ATRN: variants seen among roughly 807,000 people sequenced by gnomAD.
ATRN encodes the protein attractin-2.
In ATRN, 54 loss-of-function variants were observed where a neutral mutation model predicts 178.7. That is an observed-to-expected ratio of 0.30 (90% CI 0.24 to 0.38). ATRN has a LOEUF of 0.38. ATRN is among the 10% of genes least tolerant of loss of function. The probability of loss-of-function intolerance (pLI) is 1.00; values close to 1 mark genes in which losing one functional copy is unlikely to be tolerated. For synonymous variants in ATRN, 636 were observed against 663.0 expected (o/e 0.96, Z 0.63); for missense variants, 1,443 against 1,815.1 (o/e 0.79, Z 3.73).
intron 1 of ATRN, among the ~76,000 whole-genome samples, chr20:3,485,128 A>G (rs912051099): frequency 1.3e-5 from 2 of 151,960 alleles, no homozygotes; most frequent in Non-Finnish European, 2.9e-5. Context: ...CCTCACCATC[A>G]TGGTGATGGC....
Position 3,533,512 on chromosome 20 carries a change from AC to A in ATRN, c.411-1734del, listed in dbSNP as rs1015773925. 6.6e-5 allele frequency among the ~76,000 whole-genome samples: 10 copies of A among 151,888 alleles called. No homozygotes were observed. In the East Asian group the frequency reaches 7.7e-4, roughly 12 times the overall value. ...GACTTAACAGAGGGAGAGAGGGTGT[AC>A]CCCCCCGTTTTCTTTTCCTCCTTCC... On this transcript the variant is annotated intron_variant, in intron 1 of 28. Transcript: ENST00000262919.
chr20:3,546,290 T>C (rs1401829693), intron 4 of ATRN, among the ~76,000 whole-genome samples: 1 of 152,224 alleles, frequency 6.6e-6, no homozygotes, highest in Non-Finnish European at 1.5e-5. Flanking sequence ...TTAAAGTACC[T>C]TGATAGTCCA....
intron 2 of ATRN, among the ~76,000 whole-genome samples, chr20:3,537,186 A>C (rs541242546): frequency 1.3e-4 from 20 of 152,334 alleles, no homozygotes; most frequent in African/African-American, 4.6e-4. Context: ...GCAGTTAACA[A>C]ATTTTCCAAA....
chr20:3,578,525 C>T, intron 14 of ATRN, 57 bp from the exon 15 acceptor site: 1 of 1,450,142 alleles, frequency 6.9e-7, no homozygotes, highest in Non-Finnish European at 9.4e-7. Flanking sequence ...ACTCATAATA[C>T]AGTAGTTTTG....
intron 24 of ATRN, among the ~76,000 whole-genome samples, chr20:3,610,203 A>G (rs1270445740): frequency 2.6e-5 from 4 of 152,236 alleles, no homozygotes; most frequent in Non-Finnish European, 5.9e-5. Flanking sequence ...TGAAATTTAT[A>G]TGAAAGGGCA....
At chr20:3,569,573 A>C (rs562387731) in intron 11 of ATRN, among the ~76,000 whole-genome samples, 1 of 152,340 alleles carries the variant, frequency 6.6e-6, no homozygotes, top group South Asian at 2.1e-4. Flanking sequence ...CTGTACACTT[A>C]GGCTACACTA....
chr20:3,535,204 T>G, intron 1 of ATRN, 49 bp from the exon 2 acceptor site: 2 of 771,214 alleles, frequency 2.6e-6, no homozygotes, highest in Non-Finnish European at 1.8e-6. Flanking sequence ...TAAAAATATA[T>G]GAAATTAATA....
chr20:3,529,541 T>C (rs1288085155), intron 1 of ATRN, among the ~76,000 whole-genome samples: 1 of 152,182 alleles, frequency 6.6e-6, no homozygotes, highest in Non-Finnish European at 1.5e-5. Flanking sequence ...GTTATGTTGA[T>C]AAAAAGAAGC....
chr20:3,621,769 G>A (rs767686419), intron 24 of ATRN, among the ~76,000 whole-genome samples: 1 of 151,990 alleles, frequency 6.6e-6, no homozygotes, highest in African/African-American at 2.4e-5. Context: ...AAACCAAAAA[G>A]TATGGGAAAA....
chr20:3,644,055 C>A, intron 27 of ATRN, 99 bp from the exon 28 acceptor site: 1 of 880,846 alleles, frequency 1.1e-6, no homozygotes, highest in Non-Finnish European at 1.8e-6. Flanking sequence ...TTTTATATAC[C>A]TGAAATTGAT....
intron 1 of ATRN, among the ~76,000 whole-genome samples, chr20:3,484,098 A>C (rs1467626503): frequency 6.6e-6 from 1 of 152,038 alleles, no homozygotes; most frequent in African/African-American, 2.4e-5. Flanking sequence ...AAAATTTAAA[A>C]ATTTGCAGGG....
chr20:3,549,602 T>C (rs1451604106), intron 6 of ATRN, among the ~76,000 whole-genome samples: 1 of 152,230 alleles, frequency 6.6e-6, no homozygotes, highest in Non-Finnish European at 1.5e-5. Flanking sequence ...TGTAGTAAGT[T>C]CTATATAAGT....
At position 3,491,149 on chromosome 20, in the gene ATRN, G is replaced by GA. The variant is rs1022364402; in HGVS notation, c.410+19639dup. ...TCTGCAGATTATTAGCTCTCTGGGG[G>GA]AAAAAAATCAAAAAAAACCCTTCTT... On this transcript the variant is annotated intron_variant, in intron 1 of 28. Transcript: ENST00000262919. 1.6e-5 allele frequency: 8 copies of GA among 514,674 alleles called. 1 individual carries two copies. The South Asian group carries it at 1.6e-4, about 10-fold the overall frequency. The allele number at this position is 514,674 out of a possible 1,614,324, so 31.9% of individuals were successfully genotyped here. A position where few individuals can be genotyped will look rare whatever the true frequency, so the allele number is the denominator to read the frequency against.
At chr20:3,619,116 G>A (rs376124985) in intron 24 of ATRN, among the ~76,000 whole-genome samples, 110 of 152,322 alleles carry the variant, frequency 7.2e-4, no homozygotes, top group African/African-American at 2.5e-3. Context: ...CATACCTTGC[G>A]TTTTCTCGGA....
At position 3,489,293 on chromosome 20, in the gene ATRN, A is replaced by AT. The variant is rs201569326; in HGVS notation, c.410+17785dup. On this transcript the variant is annotated intron_variant, in intron 1 of 28. Transcript: ENST00000262919. Reference sequence around the variant, plus strand: ...ATACTTTTGTAAATTGTATCTTTAAATTTTTTTTTGAACAAGGTCTGGTTT... The same window carrying AT: ...ATACTTTTGTAAATTGTATCTTTAAATTTTTTTTTTGAACAAGGTCTGGTTT... Among the ~76,000 whole-genome samples, 278 of 151,794 alleles carry AT rather than the reference A, an allele frequency of 1.8e-3. 3 individuals are homozygous for AT. Among genetic ancestry groups the AT allele is most frequent in the Non-Finnish European group, 2.7e-4 (18 of 67,908 alleles).
At chr20:3,504,588 G>A (rs1223685118) in intron 1 of ATRN, among the ~76,000 whole-genome samples, 1 of 150,660 alleles carries the variant, frequency 6.6e-6, no homozygotes, top group Non-Finnish European at 1.5e-5. Context: ...GGGAGACTGC[G>A]GCAGGAGAAT....
intron 15 of ATRN, among the ~76,000 whole-genome samples, chr20:3,579,684 T>C (rs1464653287): frequency 6.6e-6 from 1 of 152,188 alleles, no homozygotes; most frequent in Non-Finnish European, 1.5e-5. Flanking sequence ...ATTTTTAGTC[T>C]GGAGTCATAA....
rs1175933842 is a variant in ATRN at position 3,650,899 on chromosome 20, A to G, written c.*4052A>G. The G allele has an allele frequency of 1.3e-5, 2 of 152,644 alleles. No individual in the cohort carries two copies. Among genetic ancestry groups the G allele is most frequent in the Admixed American group, 6.5e-5 (1 of 15,280 alleles). 9.5% of individuals were successfully genotyped at this position (152,644 alleles called of 1,614,324 possible). On this transcript the variant is annotated 3_prime_UTR_variant, in exon 29 of 29. Coordinates refer to ENST00000262919, the MANE Select transcript of ATRN (RefSeq NM_139321.3). ...CATGTAAATATGGAGTAAGTATTGT[A>G]AACTATTTCATCGCGGGGATTGTGG...
chr20:3,491,073 C>A, intron 1 of ATRN: 1 of 786,718 alleles, frequency 1.3e-6, no homozygotes, highest in Non-Finnish European at 2.1e-6. Flanking sequence ...AAAGGAAATG[C>A]AGTGGACTTT....
Sources: gnomAD v4.1 joint callset for allele counts (sites outside exome capture counted in the v4.1 genomes callset) on GRCh38, gnomAD v4.1.1 for gene constraint, MANE v1.5 for transcripts, NCBI Gene and HGNC (gene_info 2026-07-23, HGNC 2026-07-21) for gene names.